Variants in AUTS2 observed in about 807,000 individuals in gnomAD.
AUTS2 encodes autism susceptibility gene 2 protein.
A neutral mutation model predicts 112.4 loss-of-function variants in AUTS2; 17 were observed. The ratio of observed to expected loss-of-function variants is 0.15; its 90% CI spans 0.10 to 0.23. The LOEUF (loss-of-function observed/expected upper bound fraction) is 0.23. Among genes scored for constraint, AUTS2 ranks in the 10% least tolerant of loss-of-function variants. The pLI, the probability that AUTS2 is intolerant of heterozygous loss-of-function variation, is 1.00. For synonymous variants in AUTS2, 751 were observed against 702.7 expected, an observed-to-expected ratio of 1.07 and a Z score of -1.09; for missense variants, 1,510 against 1,701.6, an observed-to-expected ratio of 0.89 and a Z score of 1.98.
intron 2 of AUTS2, among the ~76,000 whole-genome samples, chr7:70,003,205 T>C (rs1023455867): frequency 3.7e-5 from 5 of 135,424 alleles, no homozygotes; most frequent in African/African-American, 8.2e-5. Context: ...ATATATTATA[T>C]ATGAATATAT....
At chr7:70,363,382 C>T (rs1419080327) in intron 4 of AUTS2, among the ~76,000 whole-genome samples, 1 of 139,600 alleles carries the variant, frequency 7.2e-6, no homozygotes, top group Non-Finnish European at 1.5e-5. Context: ...TGCAGCGCAC[C>T]AGCATGGCAC....
intron 11 of AUTS2, 90 bp from the exon 12 acceptor site, chr7:70,773,938 G>A: frequency 8.4e-7 from 1 of 1,196,700 alleles, no homozygotes; most frequent in Non-Finnish European, 1.2e-6. Flanking sequence ...ATGAAGTTTG[G>A]CTTCTCTCAT....
At chr7:70,343,842 C>T (rs1419650851) in intron 4 of AUTS2, among the ~76,000 whole-genome samples, 1 of 152,014 alleles carries the variant, frequency 6.6e-6, no homozygotes, top group East Asian at 1.9e-4. Context: ...AGAGGAATTG[C>T]TGTTAGGAAA....
intron 4 of AUTS2, among the ~76,000 whole-genome samples, chr7:70,153,566 C>T (rs750043330): frequency 2.6e-5 from 4 of 152,124 alleles, no homozygotes; most frequent in Non-Finnish European, 5.9e-5. Context: ...TAAATATGTG[C>T]AGTTTATTAT....
chr7:70,563,259 G>A (rs777803080), intron 5 of AUTS2, among the ~76,000 whole-genome samples: 12 of 152,006 alleles, frequency 7.9e-5, no homozygotes, highest in Admixed American at 2.0e-4. Context: ...TCGTAGTGAG[G>A]GTATTCTCTG....
At chr7:70,053,544 G>GGTTTTTTTTTTTTTTTTTTTTTTT (rs1801848925) in intron 2 of AUTS2, among the ~76,000 whole-genome samples, 1 of 127,848 alleles carries the variant, frequency 7.8e-6, no homozygotes, top group South Asian at 2.4e-4. Context: ...GTTTTGGGTG[G>GGTTTTTTTTTTTTTTTTTTTTTTT]TTTTTTTTTT....
At chr7:69,955,677 C>A (rs192102599) in intron 2 of AUTS2, among the ~76,000 whole-genome samples, 152 of 152,244 alleles carry the variant, frequency 1.0e-3, no homozygotes, top group Non-Finnish European at 1.7e-3. Flanking sequence ...TTTCACCTGG[C>A]AACTTGCATG....
intron 2 of AUTS2, among the ~76,000 whole-genome samples, chr7:69,912,317 G>A (rs1316136409): frequency 6.7e-6 from 1 of 150,264 alleles, no homozygotes; most frequent in Non-Finnish European, 1.5e-5. Context: ...GGGATGCCTG[G>A]GTCTGGAGCC....
intron 4 of AUTS2, among the ~76,000 whole-genome samples, chr7:70,184,433 T>C (rs1222074144): frequency 6.6e-6 from 1 of 152,208 alleles, no homozygotes; most frequent in Non-Finnish European, 1.5e-5. Flanking sequence ...GCCTTCTGGC[T>C]AAATTTTTGT....
chr7:70,421,831 A>G (rs937376510), intron 4 of AUTS2, among the ~76,000 whole-genome samples: 6 of 152,252 alleles, frequency 3.9e-5, no homozygotes, highest in African/African-American at 1.4e-4. Context: ...GAGATTGTGG[A>G]TACCAAATTA....
At chr7:70,218,270 G>T (rs1811279748) in intron 4 of AUTS2, among the ~76,000 whole-genome samples, 1 of 152,142 alleles carries the variant, frequency 6.6e-6, no homozygotes, top group Non-Finnish European at 1.5e-5. Context: ...GCTTTGAAGT[G>T]GATGACATCT....
intron 2 of AUTS2, among the ~76,000 whole-genome samples, chr7:70,077,229 GAAT>G (rs1358613608): frequency 2.6e-5 from 4 of 152,170 alleles, no homozygotes; most frequent in Non-Finnish European, 5.9e-5. Flanking sequence ...TGTTGTGAGA[GAAT>G]ATTAGCTTTG....
chr7:69,850,861 A>G, intron 1 of AUTS2, among the ~76,000 whole-genome samples: 1 of 152,154 alleles, frequency 6.6e-6, no homozygotes, highest in East Asian at 1.9e-4. Flanking sequence ...GTGAGGTCAA[A>G]TTTATCAGCA....
chr7:70,428,619 G>T (rs1795527290), intron 4 of AUTS2, among the ~76,000 whole-genome samples: 1 of 152,022 alleles, frequency 6.6e-6, no homozygotes, highest in Non-Finnish European at 1.5e-5. Context: ...TTTCCTTTAG[G>T]CAGAAACAAG....
intron 4 of AUTS2, among the ~76,000 whole-genome samples, chr7:70,186,008 A>G (rs544473988): frequency 3.3e-5 from 5 of 152,216 alleles, no homozygotes. Context: ...TCCATTTTGA[A>G]AGAGATAATT....
intron 2 of AUTS2, among the ~76,000 whole-genome samples, chr7:70,104,178 T>C (rs1472499480): frequency 1.1e-5 from 1 of 90,224 alleles, no homozygotes; most frequent in East Asian, 3.3e-4. Context: ...ATATACACCT[T>C]TTTTTTTTTT....
intron 6 of AUTS2, among the ~76,000 whole-genome samples, chr7:70,722,222 T>C (rs1786733081): frequency 6.6e-6 from 1 of 152,118 alleles, no homozygotes; most frequent in Admixed American, 6.6e-5. Context: ...AGTCCTACTT[T>C]GTGAATTTCC....
intron 2 of AUTS2, among the ~76,000 whole-genome samples, chr7:69,921,327 G>GTTTTTTTTTTTTTTTTT (rs11289784): frequency 2.2e-5 from 2 of 90,404 alleles, no homozygotes; most frequent in Non-Finnish European, 2.2e-5. Context: ...TAGACTTGAA[G>GTTTTTTTTTTTTTTTTT]TTTTTTTTTT....
chr7:70,696,337 T>G (rs115702246), intron 5 of AUTS2, among the ~76,000 whole-genome samples: 1 of 152,166 alleles, frequency 6.6e-6, no homozygotes, highest in Non-Finnish European at 1.5e-5. Flanking sequence ...CAGAGCCCCA[T>G]TGCAGTCGTC....
Sources: allele counts gnomAD v4.1 joint callset (sites outside exome capture counted in the v4.1 genomes callset), GRCh38; gene constraint gnomAD v4.1.1; transcripts MANE v1.5; gene names NCBI Gene and HGNC (gene_info 2026-07-23, HGNC 2026-07-21).